Variants in SSC5D observed in about 807,000 individuals in gnomAD.
The protein encoded by SSC5D is soluble scavenger receptor cysteine-rich domain-containing protein SSC5D.
Under a neutral mutation model 104.6 loss-of-function variants are expected in SSC5D, and 106 were observed. The observed-to-expected ratio is 1.01, with a 90% confidence interval of 0.87 to 1.19. The LOEUF (loss-of-function observed/expected upper bound fraction) is 1.19. Among genes scored for constraint, SSC5D ranks in the 50% most tolerant of loss-of-function variants. The probability of loss-of-function intolerance (pLI) is 0.00; values close to 1 mark genes in which losing one functional copy is unlikely to be tolerated. For missense variants in SSC5D, 1,993 were observed against 2,153.8 expected (o/e 0.93, Z 1.48); for synonymous variants, 860 against 883.5 (o/e 0.97, Z 0.47).
At position 55,503,469 on chromosome 19, in the gene SSC5D, G is replaced by A. The variant is rs1213230370; in HGVS notation, c.2785+2268G>A. On this transcript the variant is annotated intron_variant, in intron 12 of 13. Coordinates refer to ENST00000389623, the MANE Select transcript of SSC5D (RefSeq NM_001144950.2). This position sits in a 1 kb window ranked among gnomAD's most constrained non-coding sequence, Gnocchi z 4.0. ...CCGCGCCTTCCCTGCAGTCTCCCGC[G>A]TGCTCTCTTCTCTCTCCCCCTCGTT... 6.6e-6 allele frequency among the ~76,000 whole-genome samples: 1 copy of A among 151,828 alleles called. No homozygotes were observed. The highest frequency in any genetic ancestry group is 2.4e-5 in the African/African-American group (1 of 41,326).
chr19:55,504,028 A>G, intron 12 of SSC5D: 3 of 1,289,248 alleles, frequency 2.3e-6, no homozygotes, highest in Non-Finnish European at 3.2e-6. Flanking sequence ...AGGTGGGGAA[A>G]GGGAGGGAGG....
At chr19:55,493,964 CGGAGGGGCAAGTT>C in intron 7 of SSC5D, 52 bp downstream of exon 7, 2 of 603,550 alleles carry the variant, frequency 3.3e-6, no homozygotes, top group Non-Finnish European at 2.0e-6. Flanking sequence ...GTGCTTGGAG[CGGAGGGGCAAGTT>C]CGGCGGGGGC....
chr19:55,504,385 G>C, intron 12 of SSC5D: 1 of 1,317,550 alleles, frequency 7.6e-7, no homozygotes, highest in Non-Finnish European at 9.8e-7. Context: ...ACTTGGAGGC[G>C]TATGCGGGGT....
At chr19:55,505,370 A>T (rs1987616966) in intron 12 of SSC5D, among the ~76,000 whole-genome samples, 1 of 151,820 alleles carries the variant, frequency 6.6e-6, no homozygotes, top group South Asian at 2.1e-4. Context: ...AGAAATTTTC[A>T]TCGGTGTTAT....
chr19:55,518,364 A>AC lies in SSC5D; in HGVS notation c.4093dup (p.Gln1365ProfsTer44), dbSNP rs1395104269. The AC allele has an allele frequency of 1.9e-6, 3 of 1,550,274 alleles. No homozygotes were observed. In the East Asian group the frequency reaches 7.3e-5, roughly 38 times the overall value. On this transcript the variant is annotated frameshift_variant, in exon 14 of 14. Transcript: ENST00000389623. LOFTEE classifies it low-confidence loss of function (END_TRUNC). ...GCACCAACAGTCAAGCCCAGTCTGC[A>AC]CCCCCAGTTGACCTTCACAGCACCT...
At position 55,493,626 on chromosome 19, in the gene SSC5D, C is replaced by T. The variant is rs1374683004; in HGVS notation, c.927C>T (p.Gly309=). The change falls in exon 7 of 14, where the codon GGC becomes GGT. Residue 309 remains glycine (G), a synonymous_variant. Coordinates refer to ENST00000389623, the MANE Select transcript of SSC5D (RefSeq NM_001144950.2). Reference sequence around the variant, plus strand: ...CACCTCGGCTGCGCCTGGCCGATGGCCCCCACGGGTGCGCCGGCCGCCTGG... The same window carrying T: ...CACCTCGGCTGCGCCTGGCCGATGGTCCCCACGGGTGCGCCGGCCGCCTGG... ...GPAPRLRLAD[G]PHGCAGRLEV... The T allele has an allele frequency of 1.3e-6, 2 of 1,483,892 alleles. No individual in the cohort carries two copies. The highest frequency in any genetic ancestry group is 1.3e-5 in the South Asian group (1 of 76,736). The allele number at this position is 1,483,892 out of a possible 1,614,324, so 91.9% of individuals were successfully genotyped here.
rs1356897005 is a variant in SSC5D at position 55,517,616 on chromosome 19, A to G, written c.3340A>G (p.Thr1114Ala). 2 of 1,551,216 alleles carry G rather than the reference A, an allele frequency of 1.3e-6. No individual in the cohort carries two copies. The highest frequency in any genetic ancestry group is 2.4e-5 in the East Asian group (1 of 40,876). Residue 1114 changes from threonine (T) to alanine (A), a missense_variant, in exon 14 of 14, where the codon ACC becomes GCC. Around this residue, in one of 6 missense-constraint regions of SSC5D, gnomAD observed 423 missense variants for 409.2 expected, o/e 1.03. Coordinates refer to ENST00000389623, the MANE Select transcript of SSC5D (RefSeq NM_001144950.2). ...GTCGGAGGTGACCAGCCTTTCCCCT[A>G]CCTCAGAGCAGGTCCCAGAATCTGA... ...TPSEVTSLSP[T>A]SEQVPESDTT...
Position 55,519,052 on chromosome 19 carries a change from CA to C in SSC5D, c.*62del, listed in dbSNP as rs201611756. On this transcript the variant is annotated 3_prime_UTR_variant, in exon 14 of 14. Coordinates refer to ENST00000389623, the MANE Select transcript of SSC5D (RefSeq NM_001144950.2). ...CACCCCCAACCAAAAAAAACAAAAA[CA>C]AAAAAAACCCCCAAAGTATCTAATT... 3.0e-5 allele frequency: 44 copies of C among 1,467,794 alleles called. No individual in the cohort carries two copies. The East Asian group carries it at 4.7e-4, about 16-fold the overall frequency. The allele number at this position is 1,467,794 out of a possible 1,614,324, so 90.9% of individuals were successfully genotyped here. A position where few individuals can be genotyped will look rare whatever the true frequency, so the allele number is the denominator to read the frequency against.
chr19:55,491,332 T>C (rs73057177), intron 6 of SSC5D: 14,202 of 496,418 alleles, frequency 0.029, 242 homozygotes, highest in Middle Eastern at 0.058. Context: ...CCTAGGCCAG[T>C]GACCGTTTGT....
rs1032158260 is a variant in SSC5D, at chr19:55,489,556, C to T, written c.255C>T (p.Ser85=). 1.9e-5 allele frequency: 28 copies of T among 1,501,768 alleles called. No individual in the cohort carries two copies. The highest frequency in any genetic ancestry group is 2.2e-5 in the Non-Finnish European group (25 of 1,129,478). 93.0% of individuals were successfully genotyped at this position (1,501,768 alleles called of 1,614,324 possible). Residue 85 remains serine (S), a synonymous_variant, in exon 3 of 14, where the codon AGC becomes AGT. Coordinates refer to ENST00000389623, the MANE Select transcript of SSC5D (RefSeq NM_001144950.2). ...AGGGGGCAGGGCCTGTGTGGCTCAG[C>T]GAGCTGGCTTGCCGGGGCAACGAGG... ...FGEGAGPVWL[S]ELACRGNEGQ... is the part of the protein sequence containing the mutation.
At chr19:55,511,058 C>T (rs774540582) in intron 12 of SSC5D, among the ~76,000 whole-genome samples, 2 of 152,174 alleles carry the variant, frequency 1.3e-5, no homozygotes, top group South Asian at 2.1e-4. Context: ...GGATTACAGG[C>T]GTGAGCCACC....
Position 55,517,721 on chromosome 19 carries a change from C to T in SSC5D, c.3445C>T (p.Pro1149Ser), listed in dbSNP as rs1482824357. Residue 1149 changes from proline (P) to serine (S), a missense_variant, in exon 14 of 14, where the codon CCT becomes TCT. Pro to Ser is a moderately conservative substitution (Grantham distance 74). Coordinates refer to ENST00000389623, the MANE Select transcript of SSC5D (RefSeq NM_001144950.2). ...YSRSPDPSPSPHPTTTPDPTM... is the reference protein window; with the variant it reads ...YSRSPDPSPSSHPTTTPDPTM... ...TAGATCCCCAGACCCCTCCCCAAGC[C>T]CTCACCCCACTACTACCCCTGATCC... 4 of 1,550,496 alleles carry T rather than the reference C, an allele frequency of 2.6e-6. No homozygotes were observed. The African/African-American group carries it at 4.1e-5, about 16-fold the overall frequency.
Position 55,500,482 on chromosome 19 carries a change from C to T in SSC5D, c.2303-8C>T. 1 of 1,550,584 alleles carries T rather than the reference C, an allele frequency of 6.4e-7. No individual in the cohort carries two copies. Among genetic ancestry groups the T allele is most frequent in the East Asian group, 2.4e-5 (1 of 40,882 alleles). Reference sequence around the variant, plus strand: ...CCCTCCCTCCTGACCTAAGGGCCTTCCACGCAGGCCTGTTCCGGGTTCGTC... The same window carrying T: ...CCCTCCCTCCTGACCTAAGGGCCTTTCACGCAGGCCTGTTCCGGGTTCGTC... On this transcript the variant is annotated splice_polypyrimidine_tract_variant and splice_region_variant and intron_variant, in intron 10 of 13. Transcript: ENST00000389623. The surrounding 1 kb of genome is among the most constrained non-coding windows in gnomAD (Gnocchi z 4.6).
chr19:55,519,028 A>C lies in SSC5D; in HGVS notation c.*30A>C. 1 of 1,515,378 alleles carries C rather than the reference A, an allele frequency of 6.6e-7. No individual in the cohort carries two copies. The highest frequency in any genetic ancestry group is 8.8e-7 in the Non-Finnish European group (1 of 1,136,160). 93.9% of individuals were successfully genotyped at this position (1,515,378 alleles called of 1,614,324 possible). A position where few individuals can be genotyped will look rare whatever the true frequency, so the allele number is the denominator to read the frequency against. On this transcript the variant is annotated 3_prime_UTR_variant, in exon 14 of 14. Coordinates refer to ENST00000389623, the MANE Select transcript of SSC5D (RefSeq NM_001144950.2). ...CTCCAGGATTTGAGGGGCTTAAGAC[A>C]CCCCCAACCAAAAAAAACAAAAACA...
intron 12 of SSC5D, among the ~76,000 whole-genome samples, chr19:55,504,949 G>A (rs1024261508): frequency 3.3e-5 from 5 of 152,160 alleles, no homozygotes; most frequent in African/African-American, 1.2e-4. Context: ...TAAAAAGTGA[G>A]GCTCAGAGAA....
rs1241223484 is a variant in SSC5D, at chr19:55,512,999, A to G, written c.2786-12A>G. ...GTTGGAAGACTCAATCCTCTTCCCC[A>G]TATCTCTCTAGGCAGCAAAGATGGT... is the stretch of plus-strand genomic sequence containing the variant. On this transcript the variant is annotated splice_polypyrimidine_tract_variant and intron_variant, in intron 12 of 13. Coordinates refer to ENST00000389623, the MANE Select transcript of SSC5D (RefSeq NM_001144950.2). The G allele has an allele frequency of 6.4e-6, 10 of 1,551,930 alleles. No individual in the cohort carries two copies. Among genetic ancestry groups the G allele is most frequent in the Non-Finnish European group, 7.8e-6 (9 of 1,147,034 alleles).
Position 55,503,791 on chromosome 19 carries a change from A to G in SSC5D, c.2785+2590A>G, listed in dbSNP as rs1462809026. 6.7e-6 allele frequency among the ~76,000 whole-genome samples: 1 copy of G among 150,180 alleles called. No individual in the cohort carries two copies. Among genetic ancestry groups the G allele is most frequent in the Non-Finnish European group, 1.5e-5 (1 of 67,714 alleles). On this transcript the variant is annotated intron_variant, in intron 12 of 13. Coordinates refer to ENST00000389623, the MANE Select transcript of SSC5D (RefSeq NM_001144950.2). The surrounding 1 kb of genome is among the most constrained non-coding windows in gnomAD (Gnocchi z 4.0). ...CCCAAGCCTCCCGCTCCCGCAGGAGAGTCTCGCCGCAAGCGTCCTTTCCCG... is the reference window on the plus strand; with the variant it reads ...CCCAAGCCTCCCGCTCCCGCAGGAGGGTCTCGCCGCAAGCGTCCTTTCCCG...
intron 12 of SSC5D, among the ~76,000 whole-genome samples, chr19:55,502,822 A>AT (rs111917530): frequency 0.086 from 12,496 of 146,062 alleles, 586 homozygotes; most frequent in East Asian, 0.17. Context: ...TGCCTGGCTA[A>AT]TTTTTTTTTT....
chr19:55,511,393 G>A (rs957418755), intron 12 of SSC5D, among the ~76,000 whole-genome samples: 7 of 152,128 alleles, frequency 4.6e-5, no homozygotes, highest in African/African-American at 1.4e-4. Flanking sequence ...CTGGTTTTGC[G>A]TTTGGAATGA....
Sources: gnomAD v4.1 joint callset for allele counts (sites outside exome capture counted in the v4.1 genomes callset) on GRCh38, gnomAD v4.1.1 for gene constraint, gnomAD v4.1.1 regional missense constraint, Gnocchi (gnomAD v3.1) non-coding constraint, MANE v1.5 for transcripts, NCBI Gene and HGNC (gene_info 2026-07-23, HGNC 2026-07-21) for gene names.